The following KCNK2 variants were observed in gnomAD, a reference collection of about 807,000 sequenced individuals.
The protein encoded by KCNK2 is potassium two pore domain channel subfamily K member 2, also known as potassium channel subfamily K member 2.
Under a neutral mutation model 40.5 loss-of-function variants are expected in KCNK2, and 21 were observed. The ratio of observed to expected loss-of-function variants is 0.52; its 90% CI spans 0.37 to 0.75. The LOEUF is 0.75. Among genes scored for constraint, KCNK2 ranks in the 30% least tolerant of loss-of-function variants. KCNK2 has a pLI of 0.00. For missense variants in KCNK2, 399 were observed against 531.6 expected (o/e 0.75, Z 2.45); for synonymous variants, 191 against 202.2 (o/e 0.94, Z 0.47).
At chr1:215,211,341 T>C (rs1332130880) in intron 6 of KCNK2, among the ~76,000 whole-genome samples, 1 of 152,070 alleles carries the variant, frequency 6.6e-6, no homozygotes, top group Non-Finnish European at 1.5e-5. Context: ...TTTTCCCAGG[T>C]ACCTACCTGG....
At chr1:215,156,469 C>T (rs1409156906) in intron 3 of KCNK2, among the ~76,000 whole-genome samples, 3 of 152,154 alleles carry the variant, frequency 2.0e-5, no homozygotes, top group African/African-American at 7.2e-5. Context: ...GCACAGACTG[C>T]CTGCAGTCCC....
At chr1:215,168,692 G>A (rs1026793833) in intron 3 of KCNK2, among the ~76,000 whole-genome samples, 40 of 152,022 alleles carry the variant, frequency 2.6e-4, no homozygotes, top group South Asian at 2.1e-4. Flanking sequence ...AACACACACT[G>A]GGACCAGTAA....
At chr1:215,041,133 A>T (rs781761091) in intron 1 of KCNK2, among the ~76,000 whole-genome samples, 1 of 152,094 alleles carries the variant, frequency 6.6e-6, no homozygotes, top group Non-Finnish European at 1.5e-5. Flanking sequence ...TCAAACACTC[A>T]CTTAGAAGAT....
intron 3 of KCNK2, among the ~76,000 whole-genome samples, chr1:215,157,644 T>A (rs2102620095): frequency 6.6e-6 from 1 of 152,350 alleles, no homozygotes; most frequent in East Asian, 1.9e-4. Flanking sequence ...CCATTTTTCT[T>A]CTTGCTGTGA....
At chr1:215,191,100 C>T (rs541325271) in intron 5 of KCNK2, among the ~76,000 whole-genome samples, 67 of 151,754 alleles carry the variant, frequency 4.4e-4, no homozygotes, top group African/African-American at 1.5e-3. Flanking sequence ...GCCTTGCCAG[C>T]GTGGTGAAAC....
chr1:215,077,587 T>C (rs1658989503), intron 1 of KCNK2, among the ~76,000 whole-genome samples: 1 of 152,026 alleles, frequency 6.6e-6, no homozygotes, highest in Non-Finnish European at 1.5e-5. Context: ...GCGATGAAAA[T>C]TCATCCAGGT....
chr1:215,022,461 C>CGTGT (rs34397903), intron 1 of KCNK2, among the ~76,000 whole-genome samples: 1 of 151,796 alleles, frequency 6.6e-6, no homozygotes, highest in Non-Finnish European at 1.5e-5. Context: ...AAACAAGAGA[C>CGTGT]GTGTGTGGCT....
intron 1 of KCNK2, among the ~76,000 whole-genome samples, chr1:215,055,969 G>A (rs547917433): frequency 1.3e-5 from 2 of 152,200 alleles, no homozygotes; most frequent in East Asian, 3.9e-4. Context: ...AAAATTTAAA[G>A]CCTAAGGTCA....
At chr1:215,213,482 A>G (rs1449228896) in intron 6 of KCNK2, among the ~76,000 whole-genome samples, 1 of 152,054 alleles carries the variant, frequency 6.6e-6, no homozygotes, top group Non-Finnish European at 1.5e-5. Flanking sequence ...ACGATGGCGC[A>G]TGCCTGTAAT....
At chr1:215,186,421 A>T (rs1664442079) in intron 5 of KCNK2, among the ~76,000 whole-genome samples, 1 of 151,994 alleles carries the variant, frequency 6.6e-6, no homozygotes, top group African/African-American at 2.4e-5. Context: ...GAAAACTCCT[A>T]TTTCTATGTA....
intron 5 of KCNK2, among the ~76,000 whole-genome samples, chr1:215,193,881 C>T (rs1571714895): frequency 6.6e-6 from 1 of 152,146 alleles, no homozygotes; most frequent in South Asian, 2.1e-4. Context: ...TTTGACTATA[C>T]TATATATTTT....
At chr1:215,066,853 A>G (rs565597364) in intron 1 of KCNK2, among the ~76,000 whole-genome samples, 1 of 152,374 alleles carries the variant, frequency 6.6e-6, no homozygotes, top group South Asian at 2.1e-4. Flanking sequence ...AAAGCTCTGC[A>G]TGTCTCAACA....
intron 2 of KCNK2, among the ~76,000 whole-genome samples, chr1:215,114,047 CTT>C (rs1660817411): frequency 6.6e-6 from 1 of 152,112 alleles, no homozygotes; most frequent in South Asian, 2.1e-4. Context: ...TGACTTTTGA[CTT>C]TTCTCTTTCC....
At chr1:215,094,538 C>T (rs1283475289) in intron 2 of KCNK2, among the ~76,000 whole-genome samples, 1 of 152,110 alleles carries the variant, frequency 6.6e-6, no homozygotes, top group Non-Finnish European at 1.5e-5. Flanking sequence ...AGGACTCCCC[C>T]ACGTGCTACT....
At chr1:215,036,450 T>C (rs1052762155) in intron 1 of KCNK2, among the ~76,000 whole-genome samples, 3 of 146,618 alleles carry the variant, frequency 2.0e-5, no homozygotes, top group African/African-American at 7.5e-5. Flanking sequence ...TCATAAAAAG[T>C]TTTAACATTA....
intron 5 of KCNK2, among the ~76,000 whole-genome samples, chr1:215,173,185 G>A (rs542623872): frequency 6.6e-6 from 1 of 152,042 alleles, no homozygotes; most frequent in African/African-American, 2.4e-5. Flanking sequence ...TTTTCTCATT[G>A]TTCAATTCCT....
upstream of KCNK2, among the ~76,000 whole-genome samples, chr1:215,080,136 T>C (rs191697717): frequency 6.6e-6 from 1 of 152,196 alleles, no homozygotes; most frequent in Non-Finnish European, 1.5e-5. Flanking sequence ...TGATGAGACC[T>C]AAGTTCCATG....
At chr1:215,041,840 T>C (rs1657575399) in intron 1 of KCNK2, among the ~76,000 whole-genome samples, 1 of 152,192 alleles carries the variant, frequency 6.6e-6, no homozygotes, top group Non-Finnish European at 1.5e-5. Flanking sequence ...TAGTCCATTT[T>C]AATACTGCTA....
intron 2 of KCNK2, among the ~76,000 whole-genome samples, chr1:215,107,210 A>G (rs1317956556): frequency 2.0e-5 from 3 of 151,906 alleles, no homozygotes; most frequent in Non-Finnish European, 2.9e-5. Context: ...TATTATTTCA[A>G]TCTATGAGCA....
Sources: gnomAD v4.1 joint callset for allele counts (sites outside exome capture counted in the v4.1 genomes callset) on GRCh38, gnomAD v4.1.1 for gene constraint, MANE v1.5 for transcripts, NCBI Gene and HGNC (gene_info 2026-07-23, HGNC 2026-07-21) for gene names.